The following SLC25A40 variants were observed in gnomAD, a reference collection of about 807,000 sequenced individuals.
SLC25A40 encodes the protein solute carrier family 25 member 40, also known as mitochondrial glutathione transporter SLC25A40.
Under a neutral mutation model 46.5 loss-of-function variants are expected in SLC25A40, and 41 were observed. That is an observed-to-expected ratio of 0.88 (90% CI 0.69 to 1.14). The LOEUF (loss-of-function observed/expected upper bound fraction) is 1.14. SLC25A40 is among the 50% of genes most tolerant of loss of function. SLC25A40 has a pLI of 0.00. For missense variants in SLC25A40, 386 were observed against 393.6 expected, an observed-to-expected ratio of 0.98 and a Z score of 0.16; for synonymous variants, 126 against 127.5, an observed-to-expected ratio of 0.99 and a Z score of 0.08.
chr7:87,843,818 TCACATAAC>T lies in SLC25A40; in HGVS notation c.669_676del (p.Trp223Ter). The T allele has an allele frequency of 6.2e-7, 1 of 1,611,370 alleles. No homozygotes were observed. Among genetic ancestry groups the T allele is most frequent in the South Asian group, 1.1e-5 (1 of 90,982 alleles). ...TGTTGGCTCATATAAACCAGATTTC[TCACATAAC>T]CACTTCTTTAAAATTTCATAGTTAT... is the stretch of plus-strand genomic sequence containing the variant. On this transcript the variant is annotated stop_gained and frameshift_variant, in exon 9 of 12. Coordinates refer to ENST00000341119, the MANE Select transcript of SLC25A40 (RefSeq NM_018843.4). LOFTEE classifies it high-confidence loss of function.
At chr7:87,847,333 ATACTT>A (rs1022784504) in intron 7 of SLC25A40, among the ~76,000 whole-genome samples, 2 of 152,148 alleles carry the variant, frequency 1.3e-5, no homozygotes, top group African/African-American at 2.4e-5. Flanking sequence ...CTATTTTCAT[ATACTT>A]TACTTTTTCT....
intron 6 of SLC25A40, among the ~76,000 whole-genome samples, chr7:87,849,336 A>G (rs554614003): frequency 1.3e-5 from 2 of 152,278 alleles, no homozygotes; most frequent in African/African-American, 2.4e-5. Flanking sequence ...GGTTTTTTGT[A>G]TGTCTGAAGC....
In SLC25A40 at chr7:87,836,783, C is replaced by A; in HGVS notation, c.851G>T (p.Trp284Leu). Residue 284 changes from tryptophan to leucine, a missense_variant, in exon 11 of 12, where the codon TGG (tryptophan) becomes TTG (leucine). Trp to Leu is a moderately conservative substitution (Grantham distance 61, BLOSUM62 -2). Transcript: ENST00000341119. The part of the protein sequence containing the change: ...KISMPLHMST[W>L]IIMKNIVAKN... ...AGCAACAATGTTCTTCATTATAATC[C>A]AGGTTGACATATGCAAAGGCATAGA... 6.6e-7 allele frequency: 1 copy of A among 1,526,322 alleles called. No homozygotes were observed. Among genetic ancestry groups the A allele is most frequent in the Non-Finnish European group, 8.7e-7 (1 of 1,143,534 alleles). The allele number at this position is 1,526,322 out of a possible 1,614,324, so 94.5% of individuals were successfully genotyped here.
intron 10 of SLC25A40, among the ~76,000 whole-genome samples, chr7:87,841,418 T>C (rs1166725633): frequency 2.0e-5 from 3 of 151,740 alleles, no homozygotes; most frequent in African/African-American, 7.2e-5. Context: ...ACTGATGGCA[T>C]TCAAGAAACA....
At chr7:87,853,451 A>T (rs1416517359) in intron 5 of SLC25A40, among the ~76,000 whole-genome samples, 1 of 152,242 alleles carries the variant, frequency 6.6e-6, no homozygotes, top group African/African-American at 2.4e-5. Context: ...TAACTACCAT[A>T]TGACTCAGCA....
At chr7:87,853,665 A>G in intron 5 of SLC25A40, among the ~76,000 whole-genome samples, 1 of 152,226 alleles carries the variant, frequency 6.6e-6, no homozygotes, top group East Asian at 1.9e-4. Context: ...TATGCTATGT[A>G]AAAAATGCCA....
At chr7:87,848,028 T>G in intron 6 of SLC25A40, 51 bp from the exon 7 acceptor site, 1 of 1,553,664 alleles carries the variant, frequency 6.4e-7, no homozygotes, top group East Asian at 2.3e-5. Context: ...AGATCCCACA[T>G]AGTCTTAACT....
At chr7:87,871,597 G>A (rs184371463) in intron 1 of SLC25A40, among the ~76,000 whole-genome samples, 76 of 152,158 alleles carry the variant, frequency 5.0e-4, no homozygotes, top group Admixed American at 1.8e-3. Context: ...TGATACATAC[G>A]GTTTTTCCTT....
intron 1 of SLC25A40, among the ~76,000 whole-genome samples, chr7:87,861,791 G>A (rs917125586): frequency 1.3e-5 from 2 of 152,152 alleles, no homozygotes; most frequent in Admixed American, 6.5e-5. Context: ...TTGAATATGC[G>A]CACATGAAAT....
chr7:87,870,845 G>A (rs534047601), intron 1 of SLC25A40, among the ~76,000 whole-genome samples: 1 of 152,250 alleles, frequency 6.6e-6, no homozygotes, highest in African/African-American at 2.4e-5. Context: ...TTACCATATT[G>A]AAGTTGTTCG....
chr7:87,846,117 C>G (rs1159560285), intron 8 of SLC25A40, among the ~76,000 whole-genome samples: 1 of 152,018 alleles, frequency 6.6e-6, no homozygotes, highest in Non-Finnish European at 1.5e-5. Context: ...AAGAATGACT[C>G]TTAGGAAAAT....
Position 87,856,175 on chromosome 7 carries a change from T to G in SLC25A40, c.157+117A>C, listed in dbSNP as rs1048512955. 2.4e-5 allele frequency: 22 copies of G among 900,078 alleles called. No homozygotes were observed. In the Admixed American group the frequency reaches 3.5e-4, roughly 14 times the overall value. The allele number at this position is 900,078 out of a possible 1,614,324, so 55.8% of individuals were successfully genotyped here. ...AAATGGTGAAAAAAAAAGTTTTTCA[T>G]GAGGATAAAGAGGCATCAATTTTAA... is the stretch of plus-strand genomic sequence containing the variant. On this transcript the variant is annotated intron_variant, in intron 4 of 11. Coordinates refer to ENST00000341119, the MANE Select transcript of SLC25A40 (RefSeq NM_018843.4).
intron 5 of SLC25A40, among the ~76,000 whole-genome samples, chr7:87,851,628 C>G (rs1296125538): frequency 6.6e-6 from 1 of 152,142 alleles, no homozygotes; most frequent in Non-Finnish European, 1.5e-5. Context: ...ATGAGACTAC[C>G]CCACTACACC....
At chr7:87,851,822 T>G (rs1838516605) in intron 5 of SLC25A40, among the ~76,000 whole-genome samples, 2 of 152,086 alleles carry the variant, frequency 1.3e-5, no homozygotes, top group Admixed American at 6.5e-5. Context: ...ACAGCTAAAA[T>G]AGAATGTTTT....
intron 6 of SLC25A40, 75 bp downstream of exon 6, chr7:87,849,806 T>G (rs1838479784): frequency 4.5e-6 from 5 of 1,114,360 alleles, no homozygotes; most frequent in Non-Finnish European, 5.1e-6. Context: ...AATGCAAGAC[T>G]TTGTCCAACC....
intron 1 of SLC25A40, among the ~76,000 whole-genome samples, chr7:87,868,577 T>A (rs1838843342): frequency 6.6e-6 from 1 of 152,150 alleles, no homozygotes; most frequent in Non-Finnish European, 1.5e-5. Flanking sequence ...TTTGAACAAT[T>A]TGCTAGAGTG....
chr7:87,848,968 A>G (rs904383446), intron 6 of SLC25A40, among the ~76,000 whole-genome samples: 1 of 152,252 alleles, frequency 6.6e-6, no homozygotes, highest in Admixed American at 6.5e-5. Flanking sequence ...TTAAAAGTAT[A>G]AAGTTCTTGG....
At chr7:87,855,179 A>G (rs1304098592) in intron 4 of SLC25A40, among the ~76,000 whole-genome samples, 3 of 151,336 alleles carry the variant, frequency 2.0e-5, no homozygotes, top group Admixed American at 6.6e-5. Context: ...AAAAAAAAAA[A>G]GGACACAAAA....
chr7:87,841,851 T>TA (rs1460888599), intron 9 of SLC25A40, 137 bp from the exon 10 acceptor site: 1 of 407,162 alleles, frequency 2.5e-6, no homozygotes, highest in Non-Finnish European at 4.1e-6. Flanking sequence ...AATATATATA[T>TA]TTTTAAGTTT....
Sources: gnomAD v4.1 joint callset for allele counts (sites outside exome capture counted in the v4.1 genomes callset) on GRCh38, gnomAD v4.1.1 for gene constraint, MANE v1.5 for transcripts, NCBI Gene and HGNC (gene_info 2026-07-23, HGNC 2026-07-21) for gene names.